HNF4G: variants seen among roughly 807,000 people sequenced by gnomAD.
HNF4G encodes hepatocyte nuclear factor 4 gamma.
Under a neutral mutation model 50.9 loss-of-function variants are expected in HNF4G, and 21 were observed. That is an observed-to-expected ratio of 0.41 (90% CI 0.29 to 0.59). HNF4G has a LOEUF of 0.59. HNF4G is among the 20% of genes least tolerant of loss of function. HNF4G has a pLI of 0.26. For missense variants in HNF4G, 527 were observed against 559.4 expected (o/e 0.94, Z 0.58); for synonymous variants, 198 against 185.6 (o/e 1.07, Z -0.54).
chr8:75,438,784 C>T lies in HNF4G; in HGVS notation c.-144+30622C>T, dbSNP rs181747851. ...CTCGTTATCTCTTCTACTCTATACTCCAATCACATGTAACCAATTTCAGTG... is the reference window on the plus strand; with the variant it reads ...CTCGTTATCTCTTCTACTCTATACTTCAATCACATGTAACCAATTTCAGTG... On this transcript the variant is annotated intron_variant, in intron 1 of 10. Transcript: ENST00000354370. 2.4e-3 allele frequency among the ~76,000 whole-genome samples: 358 copies of T among 152,146 alleles called. 1 individual carries two copies. The highest frequency in any genetic ancestry group is 4.0e-3 in the Non-Finnish European group (273 of 67,968).
intron 1 of HNF4G, among the ~76,000 whole-genome samples, chr8:75,453,421 G>A (rs1811633756): frequency 6.6e-6 from 1 of 152,126 alleles, no homozygotes; most frequent in Non-Finnish European, 1.5e-5. Context: ...TTGTAAAATG[G>A]AACGATCAGC....
Position 75,564,159 on chromosome 8 carries a change from C to G in HNF4G, c.*63C>G. On this transcript the variant is annotated 3_prime_UTR_variant, in exon 10 of 10. Transcript: ENST00000396423. ...AAAAGTTGTTGATCTTGAAATATCT[C>G]AGGATAGCACTTTTGGCAAACTCTT... 1.1e-5 allele frequency: 18 copies of G among 1,566,072 alleles called. No homozygotes were observed. The highest frequency in any genetic ancestry group is 1.4e-5 in the Non-Finnish European group (16 of 1,145,790).
At chr8:75,479,929 G>T (rs1338877452) in intron 1 of HNF4G, among the ~76,000 whole-genome samples, 10 of 151,172 alleles carry the variant, frequency 6.6e-5, no homozygotes, top group Admixed American at 6.6e-4. Context: ...ACCAAAAATA[G>T]CAAAAACATA....
chr8:75,547,506 T>C (rs1207556419), intron 2 of HNF4G, 81 bp from the exon 3 acceptor site: 1 of 982,454 alleles, frequency 1.0e-6, no homozygotes, highest in Non-Finnish European at 1.6e-6. Context: ...TGACAATACA[T>C]ATTTAAAATC....
chr8:75,484,649 T>C (rs927339857), intron 1 of HNF4G, among the ~76,000 whole-genome samples: 1 of 152,256 alleles, frequency 6.6e-6, no homozygotes, highest in African/African-American at 2.4e-5. Flanking sequence ...ATTAATCACC[T>C]TGTGGTATCT....
At position 75,450,099 on chromosome 8, in the gene HNF4G, T is replaced by C. The variant is rs1453552852; in HGVS notation, c.-143-39990T>C. Reference sequence around the variant, plus strand: ...TGTTAGAGTCCACACAGAAGTGTGATCTGTGACAGATGTCTTTCTGTGCCT... The same window carrying C: ...TGTTAGAGTCCACACAGAAGTGTGACCTGTGACAGATGTCTTTCTGTGCCT... On this transcript the variant is annotated intron_variant, in intron 1 of 10. Coordinates refer to the HNF4G transcript ENST00000354370. Among the ~76,000 whole-genome samples the C allele has an allele frequency of 2.0e-5, 3 of 152,202 alleles. No individual in the cohort carries two copies. The East Asian group carries it at 5.8e-4, about 29-fold the overall frequency.
chr8:75,457,416 T>TATGCCTATTCCTCTATACACCTC (rs1324142976), intron 1 of HNF4G, among the ~76,000 whole-genome samples: 2 of 152,198 alleles, frequency 1.3e-5, no homozygotes, highest in Non-Finnish European at 2.9e-5. Context: ...CTATACACCT[T>TATGCCTATTCCTCTATACACCTC]ATGCCTATTC....
At chr8:75,473,640 C>G (rs1182901935) in intron 1 of HNF4G, among the ~76,000 whole-genome samples, 2 of 152,166 alleles carry the variant, frequency 1.3e-5, no homozygotes, top group Admixed American at 1.3e-4. Flanking sequence ...CACTTCACCT[C>G]CTGACTGTCT....
At chr8:75,464,145 A>T (rs897054118) in intron 1 of HNF4G, among the ~76,000 whole-genome samples, 1 of 152,116 alleles carries the variant, frequency 6.6e-6, no homozygotes, top group African/African-American at 2.4e-5. Context: ...GCTGAGTCAC[A>T]TAGTGTACTA....
At chr8:75,561,809 C>G (rs1807318989) in intron 9 of HNF4G, among the ~76,000 whole-genome samples, 2 of 152,150 alleles carry the variant, frequency 1.3e-5, no homozygotes, top group Admixed American at 1.3e-4. Context: ...CTTATGAAAA[C>G]TCCTTGGAAT....
chr8:75,421,542 T>A (rs1021022032), intron 1 of HNF4G, among the ~76,000 whole-genome samples: 2 of 152,136 alleles, frequency 1.3e-5, no homozygotes, highest in African/African-American at 2.4e-5. Context: ...ATAAATAGGG[T>A]TGACAGGGGT....
intron 2 of HNF4G, among the ~76,000 whole-genome samples, chr8:75,523,557 AAG>A (rs1806102046): frequency 6.6e-6 from 1 of 152,166 alleles, no homozygotes; most frequent in Non-Finnish European, 1.5e-5. Context: ...ATAAATATAG[AAG>A]AGAGGTATCT....
intron 2 of HNF4G, among the ~76,000 whole-genome samples, chr8:75,546,140 C>T (rs1459147070): frequency 6.6e-6 from 1 of 152,106 alleles, no homozygotes; most frequent in African/African-American, 2.4e-5. Context: ...TAAACAGGTA[C>T]ATATCAATAT....
upstream of HNF4G, among the ~76,000 whole-genome samples, chr8:75,537,805 A>G (rs929525481): frequency 1.3e-5 from 2 of 152,172 alleles, no homozygotes; most frequent in Non-Finnish European, 2.9e-5. Context: ...TTCTTACTCA[A>G]TGAAAAGGTC....
At chr8:75,555,548 T>C (rs891602940) in intron 5 of HNF4G, among the ~76,000 whole-genome samples, 4 of 148,076 alleles carry the variant, frequency 2.7e-5, no homozygotes, top group Non-Finnish European at 5.9e-5. Context: ...TTTTATCGTT[T>C]AGTACTCATG....
At chr8:75,465,441 A>G (rs1319443439) in intron 1 of HNF4G, among the ~76,000 whole-genome samples, 1 of 152,170 alleles carries the variant, frequency 6.6e-6, no homozygotes, top group African/African-American at 2.4e-5. Context: ...TGAAGGCAAT[A>G]TTTTATCTGC....
At position 75,555,998 on chromosome 8, in the gene HNF4G, C is replaced by G. The variant is rs1207670233; in HGVS notation, c.662C>G (p.Ala221Gly). The change falls in exon 6 of 10, where the codon GCT (alanine) becomes GGT (glycine). Residue 221 changes from alanine (A) to glycine (G), a missense_variant. Physicochemically the swap from Ala to Gly is moderately conservative, Grantham distance 60. Around this residue, in one of 5 missense-constraint regions of HNF4G, gnomAD observed 308 missense variants for 301.5 expected, o/e 1.02. Transcript: ENST00000396423. ...TTCATTAAGGTGGCACTGTTGAGAG[C>G]TCACGCAGGGGAGCACTTACTGCTT... ...PLDDQVALLR[A>G]HAGEHLLLGA... 1 of 1,573,172 alleles carries G rather than the reference C, an allele frequency of 6.4e-7. No individual in the cohort carries two copies. Among genetic ancestry groups the G allele is most frequent in the Non-Finnish European group, 8.6e-7 (1 of 1,157,608 alleles).
chr8:75,484,662 C>A (rs1297565426), intron 1 of HNF4G, among the ~76,000 whole-genome samples: 2 of 152,208 alleles, frequency 1.3e-5, no homozygotes, highest in Non-Finnish European at 2.9e-5. Context: ...TGGTATCTTT[C>A]AAATGTCTGT....
At chr8:75,449,719 G>C (rs540019342) in intron 1 of HNF4G, among the ~76,000 whole-genome samples, 20 of 151,752 alleles carry the variant, frequency 1.3e-4, no homozygotes, top group Non-Finnish European at 2.5e-4. Flanking sequence ...GTGTTAGCCC[G>C]GATGGTCTCG....
Sources: gnomAD v4.1 joint callset for allele counts (sites outside exome capture counted in the v4.1 genomes callset) on GRCh38, gnomAD v4.1.1 for gene constraint, gnomAD v4.1.1 regional missense constraint, MANE v1.5 for transcripts, NCBI Gene and HGNC (gene_info 2026-07-23, HGNC 2026-07-21) for gene names.